MALRD1: variants seen among roughly 807,000 people sequenced by gnomAD.
The protein encoded by MALRD1 is MAM and LDL receptor class A domain containing 1.
In MALRD1, 247 loss-of-function variants were observed where a neutral mutation model predicts 242.1. The observed-to-expected ratio is 1.02, with a 90% CI of 0.92 to 1.13. The LOEUF is 1.13. Among genes scored for constraint, MALRD1 ranks in the 50% most tolerant of loss-of-function variants. MALRD1 has a pLI of 0.00. For missense variants in MALRD1, 2,989 were observed against 2,533.1 expected, an observed-to-expected ratio of 1.18 and a Z score of -3.86; for synonymous variants, 995 against 866.6, an observed-to-expected ratio of 1.15 and a Z score of -2.60.
intron 1 of MALRD1, among the ~76,000 whole-genome samples, chr10:19,059,412 G>C (rs1834757195): frequency 6.6e-6 from 1 of 151,954 alleles, no homozygotes; most frequent in Admixed American, 6.6e-5. Context: ...TTTTGAGATG[G>C]ATTCTTGCTC....
At chr10:19,597,327 G>C (rs1477459176) in intron 34 of MALRD1, among the ~76,000 whole-genome samples, 1 of 152,166 alleles carries the variant, frequency 6.6e-6, no homozygotes, top group Non-Finnish European at 1.5e-5. Flanking sequence ...GCTATTTAAA[G>C]AGAAGCTTAG....
At chr10:19,297,145 T>C (rs1564539741) in intron 21 of MALRD1, among the ~76,000 whole-genome samples, 1 of 151,072 alleles carries the variant, frequency 6.6e-6, no homozygotes, top group East Asian at 1.9e-4. Flanking sequence ...TATATTGTAC[T>C]GTATTTCATG....
chr10:19,479,959 A>T (rs1291812484), intron 29 of MALRD1, among the ~76,000 whole-genome samples: 1 of 152,152 alleles, frequency 6.6e-6, no homozygotes, highest in East Asian at 1.9e-4. Context: ...ACTCAGCCTC[A>T]TGATCTTACC....
chr10:19,250,732 C>A (rs1588780291), intron 18 of MALRD1, among the ~76,000 whole-genome samples: 1 of 151,860 alleles, frequency 6.6e-6, no homozygotes, highest in East Asian at 1.9e-4. Context: ...GAGTTGAGTA[C>A]TTAGAGATGA....
Position 19,531,178 on chromosome 10 carries a change from G to A in MALRD1, c.5321-16G>A, listed in dbSNP as rs748234967. The stretch of plus-strand genomic sequence containing the variant: ...TTATCATTACACTGAAAAAAATTTT[G>A]TTAATCTATTTCAAGGTAGTGGTCA... On this transcript the variant is annotated splice_polypyrimidine_tract_variant and intron_variant, in intron 31 of 39. Transcript: ENST00000454679. 118 of 1,533,456 alleles carry A rather than the reference G, an allele frequency of 7.7e-5. No homozygotes were observed. Among genetic ancestry groups the A allele is most frequent in the Admixed American group, 3.1e-4 (15 of 49,156 alleles). The allele number at this position is 1,533,456 out of a possible 1,614,324, so 95.0% of individuals were successfully genotyped here.
chr10:19,172,172 CATACATATAT>C (rs201725078), intron 13 of MALRD1, among the ~76,000 whole-genome samples: 2,903 of 144,524 alleles, frequency 0.02, 244 homozygotes, highest in Admixed American at 0.15. Context: ...CATATATACA[CATACATATAT>C]ATACATATAT....
chr10:19,157,721 TG>T (rs1159631230), intron 12 of MALRD1, among the ~76,000 whole-genome samples: 3 of 152,300 alleles, frequency 2.0e-5, no homozygotes, highest in African/African-American at 7.2e-5. Flanking sequence ...ATAACCAGTG[TG>T]GGGTACTTTG....
chr10:19,441,517 A>G (rs1047347193), intron 28 of MALRD1, among the ~76,000 whole-genome samples: 2 of 152,162 alleles, frequency 1.3e-5, no homozygotes, highest in African/African-American at 2.4e-5. Flanking sequence ...TAATTTTCGT[A>G]TAAGGTGTGA....
chr10:19,304,683 C>T lies in MALRD1; in HGVS notation c.3420-19266C>T, dbSNP rs78724941. 1.3e-3 allele frequency among the ~76,000 whole-genome samples: 201 copies of T among 151,800 alleles called. 5 individuals are homozygous for T. The East Asian group carries it at 0.035, about 27-fold the overall frequency. ...GTTGATTTGTGTTTGAAAAATGTTT[C>T]ATCATTATTATTGATTTGTATTATG... On this transcript the variant is annotated intron_variant, in intron 21 of 39. Coordinates refer to ENST00000454679, the MANE Select transcript of MALRD1 (RefSeq NM_001142308.3).
intron 29 of MALRD1, chr10:19,491,025 C>T (rs1837471183): frequency 5.0e-6 from 1 of 199,452 alleles, no homozygotes. Flanking sequence ...TAGACAGTTG[C>T]TTTAACCAAT....
chr10:19,315,717 A>G lies in MALRD1; in HGVS notation c.3420-8232A>G, dbSNP rs565057568. Among the ~76,000 whole-genome samples the G allele has an allele frequency of 2.9e-3, 393 of 135,886 alleles. 3 individuals carry two copies. Among genetic ancestry groups the G allele is most frequent in the African/African-American group, 0.01 (364 of 36,208 alleles). 89.1% of individuals were successfully genotyped at this position (135,886 alleles called of 152,430 possible). A position where few individuals can be genotyped will look rare whatever the true frequency, so the allele number is the denominator to read the frequency against. On this transcript the variant is annotated intron_variant, in intron 21 of 39. Transcript: ENST00000454679. ...ATATATAATACATATTTAATTATATATTGCATATTATAATGTTATATAATA... is the reference window on the plus strand; with the variant it reads ...ATATATAATACATATTTAATTATATGTTGCATATTATAATGTTATATAATA...
At position 19,567,475 on chromosome 10, in the gene MALRD1, A is replaced by G. The variant is rs897346763; in HGVS notation, c.5479-27A>G. The G allele has an allele frequency of 4.5e-6, 7 of 1,539,578 alleles. No individual in the cohort carries two copies. The Admixed American group carries it at 6.0e-5, about 13-fold the overall frequency. ...TGATACTTCTAATATCCAATCATAA[A>G]AAGTTATTTTTTAATGATTTTTAAA... On this transcript the variant is annotated intron_variant, in intron 32 of 39. Transcript: ENST00000454679.
chr10:19,444,862 C>G (rs562256938), intron 28 of MALRD1, among the ~76,000 whole-genome samples: 1 of 152,260 alleles, frequency 6.6e-6, no homozygotes, highest in East Asian at 1.9e-4. Flanking sequence ...GCCTGCCTTG[C>G]TAGGTTGGGG....
intron 24 of MALRD1, among the ~76,000 whole-genome samples, chr10:19,343,097 C>T (rs546526685): frequency 1.3e-4 from 20 of 152,056 alleles, no homozygotes; most frequent in Admixed American, 3.3e-4. Context: ...CTTTATAGGA[C>T]GGTCATTCTG....
chr10:19,493,151 A>G (rs571252038), intron 30 of MALRD1: 2 of 152,202 alleles, frequency 1.3e-5, no homozygotes, highest in African/African-American at 4.8e-5. Flanking sequence ...ATTAAAGAAT[A>G]ACACTCCATT....
chr10:19,670,221 C>T (rs141160759), intron 36 of MALRD1, among the ~76,000 whole-genome samples: 213 of 152,218 alleles, frequency 1.4e-3, no homozygotes, highest in African/African-American at 4.8e-3. Flanking sequence ...GCTTTCTTCT[C>T]ATCCCCTCAA....
At chr10:19,125,343 T>G (rs954358263) in intron 7 of MALRD1, among the ~76,000 whole-genome samples, 1 of 95,524 alleles carries the variant, frequency 1.0e-5, no homozygotes, top group East Asian at 3.0e-4. Context: ...CTTTCTTTCT[T>G]TCTTTCTTTC....
At chr10:19,625,322 T>TC (rs1242329128) in intron 36 of MALRD1, among the ~76,000 whole-genome samples, 2 of 151,880 alleles carry the variant, frequency 1.3e-5, no homozygotes, top group African/African-American at 4.8e-5. Context: ...GCTGTTTCCT[T>TC]TTTTTTAACA....
At chr10:19,079,939 T>C (rs988351762) in intron 2 of MALRD1, among the ~76,000 whole-genome samples, 2 of 152,024 alleles carry the variant, frequency 1.3e-5, no homozygotes, top group South Asian at 4.1e-4. Flanking sequence ...GCAAAATCAG[T>C]GTGCAAAAAT....
Sources: allele counts gnomAD v4.1 joint callset (sites outside exome capture counted in the v4.1 genomes callset), GRCh38; gene constraint gnomAD v4.1.1; transcripts MANE v1.5; gene names NCBI Gene and HGNC (gene_info 2026-07-23, HGNC 2026-07-21).